CD300LF: variants seen among roughly 807,000 people sequenced by gnomAD.
CD300LF encodes CMRF35-like molecule 1.
A neutral mutation model predicts 32.2 loss-of-function variants in CD300LF; 27 were observed. That is an observed-to-expected ratio of 0.84 (90% CI 0.62 to 1.15). CD300LF has a LOEUF of 1.15. Ranked by LOEUF, CD300LF falls within the 50% of genes most tolerant of loss-of-function variation. The pLI is 0.00. For synonymous variants in CD300LF, 139 were observed against 143.2 expected, an observed-to-expected ratio of 0.97 and a Z score of 0.21; for missense variants, 348 against 356.8, an observed-to-expected ratio of 0.98 and a Z score of 0.20.
chr17:74,708,789 G>A (rs906008474), intron 1 of CD300LF, among the ~76,000 whole-genome samples: 27 of 151,806 alleles, frequency 1.8e-4, no homozygotes, highest in Admixed American at 3.9e-4. Flanking sequence ...GGTGGCGGGC[G>A]CCTGTAGTCC....
chr17:74,712,795 C>G, intron 1 of CD300LF, 29 bp downstream of exon 1: 1 of 1,613,650 alleles, frequency 6.2e-7, no homozygotes, highest in Non-Finnish European at 8.5e-7. Flanking sequence ...GCTAAGCTTC[C>G]CCAAGAAGAC....
At chr17:74,700,767 C>G (rs2032974968) in intron 3 of CD300LF, among the ~76,000 whole-genome samples, 1 of 151,796 alleles carries the variant, frequency 6.6e-6, no homozygotes, top group African/African-American at 2.4e-5. Context: ...AAACAAACAA[C>G]AAAAAAAACT....
chr17:74,698,483 T>C lies in CD300LF; in HGVS notation c.447-2A>G, dbSNP rs957386312. ...ACACTGAGCTTCAGGAGCTTGTGCCTAGAAACAATGGCAAGCGTCCCCTGC... is the reference window on the plus strand; with the variant it reads ...ACACTGAGCTTCAGGAGCTTGTGCCCAGAAACAATGGCAAGCGTCCCCTGC... On this transcript the variant is annotated splice_acceptor_variant, in intron 3 of 6. Transcript: ENST00000326165. LOFTEE classifies it high-confidence loss of function. 100 of 1,612,366 alleles carry C rather than the reference T, an allele frequency of 6.2e-5. No individual in the cohort carries two copies. Among genetic ancestry groups the C allele is most frequent in the Non-Finnish European group, 8.4e-5 (99 of 1,179,102 alleles).
intron 1 of CD300LF, among the ~76,000 whole-genome samples, chr17:74,708,409 C>G (rs2033685741): frequency 6.6e-6 from 1 of 152,040 alleles, no homozygotes; most frequent in Admixed American, 6.6e-5. Flanking sequence ...GATGAAATCC[C>G]AAATCCATTT....
chr17:74,708,432 A>G (rs1339520923), intron 1 of CD300LF, among the ~76,000 whole-genome samples: 2 of 152,240 alleles, frequency 1.3e-5, no homozygotes, highest in Non-Finnish European at 2.9e-5. Flanking sequence ...CGAGATTAAC[A>G]TAATCTTGAT....
chr17:74,703,352 C>T (rs1048384698), intron 2 of CD300LF, among the ~76,000 whole-genome samples: 12 of 152,172 alleles, frequency 7.9e-5, no homozygotes, highest in South Asian at 6.2e-4. Flanking sequence ...CCAGGGAGGA[C>T]GCTGAGCTGG....
In CD300LF at chr17:74,694,987, G is replaced by T; in HGVS notation, c.*109C>A. 8.1e-7 allele frequency: 1 copy of T among 1,233,620 alleles called. No homozygotes were observed. The highest frequency in any genetic ancestry group is 1.1e-6 in the Non-Finnish European group (1 of 884,158). 76.4% of individuals were successfully genotyped at this position (1,233,620 alleles called of 1,614,324 possible). A position where few individuals can be genotyped will look rare whatever the true frequency, so the allele number is the denominator to read the frequency against. On this transcript the variant is annotated 3_prime_UTR_variant, in exon 7 of 7. Transcript: ENST00000326165. ...AGGGGCAATGCTGGCTGATCAGGCA[G>T]AGGCACCAGTCCCCGGGTTGGTCCT...
At chr17:74,702,468 G>A (rs2033142931) in intron 3 of CD300LF, among the ~76,000 whole-genome samples, 1 of 152,180 alleles carries the variant, frequency 6.6e-6, no homozygotes, top group South Asian at 2.1e-4. Flanking sequence ...ACAAAATAAT[G>A]CACAGGAAAG....
chr17:74,695,477 C>T (rs898744045), intron 6 of CD300LF, among the ~76,000 whole-genome samples: 3 of 152,168 alleles, frequency 2.0e-5, no homozygotes, highest in Admixed American at 2.0e-4. Flanking sequence ...CTGTGGAATC[C>T]CAAGTCACTC....
Position 74,695,032 on chromosome 17 carries a change from A to G in CD300LF, c.*64T>C, listed in dbSNP as rs758910667. The stretch of plus-strand genomic sequence containing the variant: ...GGTCCTGATGAGGGGAGCAGGGGGC[A>G]GACGGTCGATGAGGCAGGAGTGTGC... On this transcript the variant is annotated 3_prime_UTR_variant, in exon 7 of 7. Transcript: ENST00000326165. 245 of 1,535,794 alleles carry G rather than the reference A, an allele frequency of 1.6e-4. No homozygotes were observed. Among genetic ancestry groups the G allele is most frequent in the Non-Finnish European group, 2.0e-4 (223 of 1,133,860 alleles).
Position 74,708,831 on chromosome 17 carries a change from C to T in CD300LF, c.43+3993G>A, listed in dbSNP as rs978575841. Among the ~76,000 whole-genome samples, 6 of 150,008 alleles carry T rather than the reference C, an allele frequency of 4.0e-5. 1 individual carries two copies. In the South Asian group the frequency reaches 1.3e-3, roughly 32 times the overall value. The stretch of plus-strand genomic sequence containing the variant: ...CTCGGAGGCTGAGGCAGGAGAATGA[C>T]GTGAACCCGGGGGGGCGGAGCTTGC... On this transcript the variant is annotated intron_variant, in intron 1 of 6. Transcript: ENST00000326165.
intron 1 of CD300LF, among the ~76,000 whole-genome samples, chr17:74,708,844 G>C (rs563911830): frequency 1.3e-5 from 2 of 151,012 alleles, no homozygotes; most frequent in Non-Finnish European, 2.9e-5. Context: ...GAACCCGGGG[G>C]GGCGGAGCTT....
Position 74,704,691 on chromosome 17 carries a change from C to T in CD300LF, c.169G>A (p.Ala57Thr), listed in dbSNP as rs143167670. 1 of 1,614,200 alleles carries T rather than the reference C, an allele frequency of 6.2e-7. No individual in the cohort carries two copies. The highest frequency in any genetic ancestry group is 8.5e-7 in the Non-Finnish European group (1 of 1,180,034). Residue 57 changes from alanine (A) to threonine (T), a missense_variant, in exon 2 of 7, where the codon GCT becomes ACT. Coordinates refer to ENST00000326165, the MANE Select transcript of CD300LF (RefSeq NM_139018.5). ...AGGATCTTGCAGTCACGCCAAATAG[C>T]TCCTCGACACCACCACTTCAAGTAG... ...ETYLKWWCRG[A>T]IWRDCKILVK...
chr17:74,695,882 G>A (rs1439290080), intron 5 of CD300LF, 23 bp from the exon 6 acceptor site: 1 of 1,607,948 alleles, frequency 6.2e-7, no homozygotes, highest in Non-Finnish European at 8.5e-7. Flanking sequence ...ACACAGGCTG[G>A]GGAGTCACAA....
intron 1 of CD300LF, among the ~76,000 whole-genome samples, chr17:74,708,289 G>A (rs896448337): frequency 3.3e-5 from 5 of 151,854 alleles, no homozygotes; most frequent in South Asian, 4.2e-4. Flanking sequence ...TAAAACTTCC[G>A]CCAGAATAAA....
chr17:74,700,830 GT>G (rs1415990687), intron 3 of CD300LF, among the ~76,000 whole-genome samples: 5 of 152,158 alleles, frequency 3.3e-5, no homozygotes, highest in Admixed American at 3.3e-4. Context: ...CAATCCATAT[GT>G]TGAAGTCCCA....
Position 74,694,794 on chromosome 17 carries a change from A to G in CD300LF, c.*302T>C. 3.8e-6 allele frequency: 1 copy of G among 265,468 alleles called. No homozygotes were observed. The highest frequency in any genetic ancestry group is 7.1e-6 in the Non-Finnish European group (1 of 140,956). The allele number at this position is 265,468 out of a possible 1,614,324, so 16.4% of individuals were successfully genotyped here. A position where few individuals can be genotyped will look rare whatever the true frequency, so the allele number is the denominator to read the frequency against. ...CATTGTATTACGATAATGGTACTTC[A>G]TGATAATAATGATAACATTTTTCTC... On this transcript the variant is annotated 3_prime_UTR_variant, in exon 7 of 7. Coordinates refer to ENST00000326165, the MANE Select transcript of CD300LF (RefSeq NM_139018.5).
Position 74,694,806 on chromosome 17 carries a change from A to G in CD300LF, c.*290T>C. On this transcript the variant is annotated 3_prime_UTR_variant, in exon 7 of 7. Transcript: ENST00000326165. ...ATAATGGTACTTCATGATAATAATGATAACATTTTTCTCATTATCATCTTC... is the reference window on the plus strand; with the variant it reads ...ATAATGGTACTTCATGATAATAATGGTAACATTTTTCTCATTATCATCTTC... The G allele has an allele frequency of 3.4e-6, 1 of 294,492 alleles. No individual in the cohort carries two copies. The highest frequency in any genetic ancestry group is 5.8e-5 in the East Asian group (1 of 17,194). The allele number at this position is 294,492 out of a possible 1,614,324, so 18.2% of individuals were successfully genotyped here. A position where few individuals can be genotyped will look rare whatever the true frequency, so the allele number is the denominator to read the frequency against.
At chr17:74,702,333 T>C (rs1050596871) in intron 3 of CD300LF, among the ~76,000 whole-genome samples, 1 of 152,102 alleles carries the variant, frequency 6.6e-6, no homozygotes, top group African/African-American at 2.4e-5. Flanking sequence ...GAGACTTCCA[T>C]CCAAGCTCCA....
Sources: gnomAD v4.1 joint callset for allele counts (sites outside exome capture counted in the v4.1 genomes callset) on GRCh38, gnomAD v4.1.1 for gene constraint, MANE v1.5 for transcripts, NCBI Gene and HGNC (gene_info 2026-07-23, HGNC 2026-07-21) for gene names.